Variants in VPS41 observed in about 807,000 individuals in gnomAD.
VPS41 encodes the protein vacuolar protein sorting-associated protein 41 homolog.
In VPS41, 85 loss-of-function variants were observed where a neutral mutation model predicts 130.9. The observed-to-expected ratio is 0.65, with a 90% confidence interval of 0.55 to 0.78. The LOEUF is 0.78. Ranked by LOEUF, VPS41 falls within the 30% of genes least tolerant of loss-of-function variation. The pLI, the probability that VPS41 is intolerant of heterozygous loss-of-function variation, is 0.00. For synonymous variants in VPS41, 335 were observed against 332.9 expected (o/e 1.01, Z -0.07); for missense variants, 874 against 1,018.7 (o/e 0.86, Z 1.93).
At chr7:38,768,095 A>T (rs1784082776) in intron 14 of VPS41, among the ~76,000 whole-genome samples, 1 of 152,152 alleles carries the variant, frequency 6.6e-6, no homozygotes, top group Admixed American at 6.5e-5. Flanking sequence ...GCTCAGAAAA[A>T]CCTGTGATTC....
At chr7:38,829,470 A>G (rs116174444) in intron 5 of VPS41, among the ~76,000 whole-genome samples, 149 of 152,338 alleles carry the variant, frequency 9.8e-4, no homozygotes, top group African/African-American at 3.4e-3. Flanking sequence ...ATGATTCTTA[A>G]TGCACTCTCT....
At chr7:38,854,837 G>A (rs962526291) in intron 4 of VPS41, among the ~76,000 whole-genome samples, 11 of 99,960 alleles carry the variant, frequency 1.1e-4, no homozygotes, top group African/African-American at 4.3e-4. Context: ...AGTACCGTAC[G>A]TTCAAGAAGT....
intron 8 of VPS41, chr7:38,796,406 C>T (rs1784621271): frequency 2.1e-6 from 1 of 467,140 alleles, no homozygotes; most frequent in Non-Finnish European, 4.2e-6. Flanking sequence ...CATATCAACT[C>T]TTACTTGCCT....
chr7:38,728,408 CACA>C, intron 27 of VPS41, 131 bp downstream of exon 27: 1 of 1,005,890 alleles, frequency 9.9e-7, no homozygotes, highest in East Asian at 2.5e-5. Flanking sequence ...GGATGGAAGC[CACA>C]ACACTTCTCT....
At chr7:38,740,416 G>A (rs769383834) in intron 25 of VPS41, among the ~76,000 whole-genome samples, 3 of 152,054 alleles carry the variant, frequency 2.0e-5, no homozygotes, top group Non-Finnish European at 2.9e-5. Context: ...CACCTTTCTG[G>A]ATTCCTAGGG....
intron 4 of VPS41, among the ~76,000 whole-genome samples, chr7:38,835,859 GTACAATGA>G (rs1047368199): frequency 3.3e-5 from 5 of 151,218 alleles, no homozygotes; most frequent in African/African-American, 1.2e-4. Context: ...ATATCAAAGG[GTACAATGA>G]TTATACTCAA....
At chr7:38,868,927 C>T (rs1158442693) in intron 3 of VPS41, among the ~76,000 whole-genome samples, 3 of 152,186 alleles carry the variant, frequency 2.0e-5, no homozygotes, top group Admixed American at 2.0e-4. Flanking sequence ...TGTCTACATT[C>T]TACTTAATAC....
rs576382631 is a variant in VPS41 at position 38,724,201 on chromosome 7, T to C, written c.*2045A>G. ...ATAGGACTTGGTAACTAGGATAATT[T>C]ACCCCTGAAGCAAAATGACTTCACT... On this transcript the variant is annotated 3_prime_UTR_variant, in exon 29 of 29. Coordinates refer to ENST00000310301, the MANE Select transcript of VPS41 (RefSeq NM_014396.4). The C allele has an allele frequency of 6.6e-6, 1 of 152,364 alleles. No homozygotes were observed. Among genetic ancestry groups the C allele is most frequent in the African/African-American group, 2.4e-5 (1 of 41,588 alleles). 9.4% of individuals were successfully genotyped at this position (152,364 alleles called of 1,614,324 possible).
At chr7:38,763,378 T>C in intron 17 of VPS41, 77 bp downstream of exon 17, 1 of 982,760 alleles carries the variant, frequency 1.0e-6, no homozygotes, top group African/African-American at 1.7e-5. Context: ...CAGGCATTGC[T>C]CCATTGTATT....
intron 2 of VPS41, among the ~76,000 whole-genome samples, chr7:38,887,732 T>C (rs1040476056): frequency 2.3e-4 from 35 of 152,018 alleles, no homozygotes; most frequent in Non-Finnish European, 5.1e-4. Context: ...AATTGTCAGA[T>C]TCACCAAGGT....
intron 25 of VPS41, among the ~76,000 whole-genome samples, chr7:38,729,031 C>T (rs1301035736): frequency 2.0e-5 from 3 of 152,160 alleles, no homozygotes; most frequent in African/African-American, 7.2e-5. Flanking sequence ...CATACACGGG[C>T]TCCTGTAGCA....
At chr7:38,887,188 T>A in intron 2 of VPS41, among the ~76,000 whole-genome samples, 1 of 152,188 alleles carries the variant, frequency 6.6e-6, no homozygotes, top group East Asian at 1.9e-4. Context: ...TTTGACAAGT[T>A]GACCGAAGTA....
chr7:38,760,961 G>C (rs1390125346), intron 17 of VPS41, among the ~76,000 whole-genome samples: 3 of 152,022 alleles, frequency 2.0e-5, no homozygotes, highest in Non-Finnish European at 2.9e-5. Flanking sequence ...TACCAAAGTA[G>C]CCCCTGGAAG....
chr7:38,852,315 C>T (rs1475609574), intron 4 of VPS41, among the ~76,000 whole-genome samples: 1 of 152,200 alleles, frequency 6.6e-6, no homozygotes, highest in East Asian at 1.9e-4. Context: ...TCAGATCACA[C>T]CTCATTATCA....
At chr7:38,768,866 T>A (rs1479111567) in intron 14 of VPS41, among the ~76,000 whole-genome samples, 1 of 152,170 alleles carries the variant, frequency 6.6e-6, no homozygotes, top group Admixed American at 6.5e-5. Context: ...AGCATAAGCA[T>A]GTTTAAGTGC....
rs1403862233 is a variant in VPS41, at chr7:38,767,552, T to G, written c.1232A>C (p.Tyr411Ser). Residue 411 changes from tyrosine (Y) to serine (S), a missense_variant, in exon 15 of 29, where the codon TAT becomes TCT. Transcript: ENST00000310301. ...TCATCATTACCGTGCTGCTATGTCA[T>G]AGTCTCCTCTCTCCACCAGGTGATT... is the stretch of plus-strand genomic sequence containing the variant. Reference protein sequence around the residue: ...YINHLVERGDYDIAARKCQKI... With the variant: ...YINHLVERGDSDIAARKCQKI... 1 of 1,608,728 alleles carries G rather than the reference T, an allele frequency of 6.2e-7. No individual in the cohort carries two copies. Among genetic ancestry groups the G allele is most frequent in the Non-Finnish European group, 8.5e-7 (1 of 1,176,492 alleles).
chr7:38,801,505 T>A (rs1006738229), intron 7 of VPS41, among the ~76,000 whole-genome samples: 9 of 152,208 alleles, frequency 5.9e-5, no homozygotes, highest in Non-Finnish European at 4.4e-5. Context: ...TAGGTCATCA[T>A]AAACATACTA....
chr7:38,818,626 C>T (rs1041149357), intron 6 of VPS41, among the ~76,000 whole-genome samples: 1 of 152,208 alleles, frequency 6.6e-6, no homozygotes, highest in African/African-American at 2.4e-5. Flanking sequence ...CGTGGCTCCA[C>T]TCAGTGCACC....
chr7:38,774,719 T>C lies in VPS41; in HGVS notation c.883-475A>G, dbSNP rs140077296. ...ATATGTATAAGAAAAGCATCAGCAATGTGAATCTCATTTTATACTTTCGTT... is the reference window on the plus strand; with the variant it reads ...ATATGTATAAGAAAAGCATCAGCAACGTGAATCTCATTTTATACTTTCGTT... On this transcript the variant is annotated intron_variant, in intron 11 of 28. Coordinates refer to ENST00000310301, the MANE Select transcript of VPS41 (RefSeq NM_014396.4). Among the ~76,000 whole-genome samples the C allele has an allele frequency of 4.7e-3, 713 of 152,242 alleles. 4 individuals are homozygous for C. Among genetic ancestry groups the C allele is most frequent in the African/African-American group, 0.017 (686 of 41,548 alleles).
Sources: gnomAD v4.1 joint callset for allele counts (sites outside exome capture counted in the v4.1 genomes callset) on GRCh38, gnomAD v4.1.1 for gene constraint, MANE v1.5 for transcripts, NCBI Gene and HGNC (gene_info 2026-07-23, HGNC 2026-07-21) for gene names.